MGA: variants seen among roughly 807,000 people sequenced by gnomAD.
MGA encodes the protein MAX gene-associated protein.
A neutral mutation model predicts 261.1 loss-of-function variants in MGA; 40 were observed. The observed-to-expected ratio is 0.15, with a 90% CI of 0.12 to 0.20. MGA has a LOEUF of 0.20. Among genes scored for constraint, MGA ranks in the 10% least tolerant of loss-of-function variants. The pLI, the probability that MGA is intolerant of heterozygous loss-of-function variation, is 1.00. For synonymous variants in MGA, 1,302 were observed against 1,290.6 expected (o/e 1.01, Z -0.19); for missense variants, 3,397 against 3,630.5 (o/e 0.94, Z 1.65).
Position 41,631,755 on chromosome 15 carries a change from GAAA to G in MGA, c.-68+10463_-68+10465del, listed in dbSNP as rs533419732. 2.0e-5 allele frequency among the ~76,000 whole-genome samples: 3 copies of G among 151,160 alleles called. No individual in the cohort carries two copies. The South Asian group carries it at 6.2e-4, about 31-fold the overall frequency. On this transcript the variant is annotated intron_variant, in intron 1 of 8. Coordinates refer to the MGA transcript ENST00000566718. ...TTCATTAAAGGCAACCAACTGAACA[GAAA>G]AAAAAGTATGTATTTTCATATTTGA...
At chr15:41,685,170 A>G (rs1014882972) in intron 2 of MGA, among the ~76,000 whole-genome samples, 3 of 152,138 alleles carry the variant, frequency 2.0e-5, no homozygotes, top group African/African-American at 7.2e-5. Flanking sequence ...CAGGGTTCGT[A>G]TTTTTCCATG....
chr15:41,656,964 G>A (rs1186004438), upstream of MGA, among the ~76,000 whole-genome samples: 1 of 151,928 alleles, frequency 6.6e-6, no homozygotes, highest in Non-Finnish European at 1.5e-5. Context: ...GCAGAGATGG[G>A]TTCTCACTAT....
At chr15:41,697,908 G>T (rs2059624919) in intron 3 of MGA, among the ~76,000 whole-genome samples, 1 of 152,004 alleles carries the variant, frequency 6.6e-6, no homozygotes, top group African/African-American at 2.4e-5. Flanking sequence ...TCGGTCTGTG[G>T]CTCATGCTGG....
intron 1 of MGA, among the ~76,000 whole-genome samples, chr15:41,632,187 T>C (rs962734259): frequency 6.6e-6 from 1 of 152,220 alleles, no homozygotes; most frequent in East Asian, 1.9e-4. Flanking sequence ...AAATGTTTTC[T>C]GTAGAGGACT....
chr15:41,624,554 C>T (rs965959319), intron 1 of MGA, among the ~76,000 whole-genome samples: 2 of 151,686 alleles, frequency 1.3e-5, no homozygotes, highest in Non-Finnish European at 1.5e-5. Context: ...AGGCTGGTCT[C>T]GAGCTGCTGA....
intron 1 of MGA, among the ~76,000 whole-genome samples, chr15:41,627,557 T>A (rs1595535428): frequency 6.6e-6 from 1 of 152,214 alleles, no homozygotes; most frequent in East Asian, 1.9e-4. Context: ...GTTTTGTTTT[T>A]AAATGTTTGC....
At chr15:41,732,150 CTTT>C (rs934455098) in intron 11 of MGA, among the ~76,000 whole-genome samples, 4 of 141,018 alleles carry the variant, frequency 2.8e-5, no homozygotes, top group Non-Finnish European at 3.1e-5. Flanking sequence ...TTTTGTTATC[CTTT>C]TTTTTTTTTT....
intron 1 of MGA, among the ~76,000 whole-genome samples, chr15:41,664,879 T>C (rs199742245): frequency 1.3e-5 from 2 of 152,222 alleles, no homozygotes; most frequent in East Asian, 3.8e-4. Context: ...ATCAACTTCA[T>C]AGGTAAAAGC....
chr15:41,626,584 G>A (rs1245162793), intron 1 of MGA, among the ~76,000 whole-genome samples: 4 of 151,852 alleles, frequency 2.6e-5, no homozygotes, highest in African/African-American at 7.2e-5. Context: ...CATCACGCCC[G>A]GCTAATTTTT....
chr15:41,638,156 C>T lies in MGA; in HGVS notation c.-68+16858C>T, dbSNP rs187588872. Reference sequence around the variant, plus strand: ...CTCCTGGGTTCAAGCAATTCTCTTGCCTCAGTCTCCTGAATAGCTGGAACT... The same window carrying T: ...CTCCTGGGTTCAAGCAATTCTCTTGTCTCAGTCTCCTGAATAGCTGGAACT... On this transcript the variant is annotated intron_variant, in intron 1 of 8. Transcript: ENST00000566718. 3.0e-4 allele frequency among the ~76,000 whole-genome samples: 44 copies of T among 147,776 alleles called. 1 individual carries two copies. The highest frequency in any genetic ancestry group is 1.1e-3 in the African/African-American group (43 of 39,716).
At position 41,754,426 on chromosome 15, in the gene MGA, A is replaced by T. The variant is rs1300504681; in HGVS notation, c.7009-11A>T. The T allele has an allele frequency of 2.0e-6, 3 of 1,530,052 alleles. No individual in the cohort carries two copies. The highest frequency in any genetic ancestry group is 1.8e-6 in the Non-Finnish European group (2 of 1,138,644). 94.8% of individuals were successfully genotyped at this position (1,530,052 alleles called of 1,614,324 possible). A position where few individuals can be genotyped will look rare whatever the true frequency, so the allele number is the denominator to read the frequency against. ...CAATACATTATTTACTTTTATAATG[A>T]TGTATTTCAGAATAACTGTGTAGAA... is the stretch of plus-strand genomic sequence containing the variant. On this transcript the variant is annotated splice_polypyrimidine_tract_variant and intron_variant, in intron 17 of 23. Coordinates refer to ENST00000219905, the MANE Select transcript of MGA (RefSeq NM_001164273.2).
At chr15:41,706,801 T>G (rs977548865) in intron 5 of MGA, among the ~76,000 whole-genome samples, 1 of 151,880 alleles carries the variant, frequency 6.6e-6, no homozygotes, top group Non-Finnish European at 1.5e-5. Context: ...CTCGAACTCC[T>G]GACCTCAAGT....
chr15:41,710,099 T>C (rs1363961113), intron 7 of MGA, among the ~76,000 whole-genome samples: 1 of 152,186 alleles, frequency 6.6e-6, no homozygotes, highest in Non-Finnish European at 1.5e-5. Flanking sequence ...AGCGCTGGGA[T>C]TGCAGGAGTG....
intron 1 of MGA, among the ~76,000 whole-genome samples, chr15:41,646,088 C>T (rs1278188059): frequency 1.3e-5 from 2 of 152,056 alleles, no homozygotes; most frequent in Non-Finnish European, 2.9e-5. Context: ...AAAAATTTCC[C>T]TCTGCTAAGC....
At chr15:41,645,815 C>G (rs2056925264) in intron 1 of MGA, among the ~76,000 whole-genome samples, 1 of 152,146 alleles carries the variant, frequency 6.6e-6, no homozygotes, top group South Asian at 2.1e-4. Flanking sequence ...TGTTTTAATT[C>G]TGGACAACAC....
At position 41,748,728 on chromosome 15, in the gene MGA, G is replaced by A. The variant is rs1229693200; in HGVS notation, c.5304G>A (p.Gln1768=). 4 of 1,613,992 alleles carry A rather than the reference G, an allele frequency of 2.5e-6. No individual in the cohort carries two copies. The highest frequency in any genetic ancestry group is 1.1e-5 in the South Asian group (1 of 91,084). ...CTCGATTGTTGTTGATTCCAGTGCA[G>A]CAGGGTTCTCCTACTCTTAGACCTG... is the stretch of plus-strand genomic sequence containing the variant. The change falls in exon 16 of 24, where the codon CAG becomes CAA. Residue 1768 remains glutamine (Q), a synonymous_variant. Coordinates refer to ENST00000219905, the MANE Select transcript of MGA (RefSeq NM_001164273.2).
Position 41,683,415 on chromosome 15 carries a change from A to G in MGA, c.1065-12660A>G, listed in dbSNP as rs182227690. Among the ~76,000 whole-genome samples, 14 of 151,946 alleles carry G rather than the reference A, an allele frequency of 9.2e-5. No homozygotes were observed. In the East Asian group the frequency reaches 2.3e-3, roughly 25 times the overall value. ...CTAATTTTTTATTTTTATTTTTTGT[A>G]GATACAAGGTCTCACTGTGTTTCCC... On this transcript the variant is annotated intron_variant, in intron 2 of 23. Transcript: ENST00000219905.
At chr15:41,754,197 G>T (rs1224706245) in intron 17 of MGA, among the ~76,000 whole-genome samples, 1 of 152,176 alleles carries the variant, frequency 6.6e-6, no homozygotes, top group African/African-American at 2.4e-5. Context: ...TGGATTATAG[G>T]TGTGAGCCAC....
chr15:41,623,782 T>A lies in MGA; in HGVS notation c.-68+2484T>A, dbSNP rs1303379914. On this transcript the variant is annotated intron_variant, in intron 1 of 8. Coordinates refer to the MGA transcript ENST00000566718. ...ATTTATATATATATATATATTTTTT[T>A]TTTTTTTTTGAGAGGGAGTTTCGGG... 3.1e-3 allele frequency among the ~76,000 whole-genome samples: 462 copies of A among 146,896 alleles called. 1 individual carries two copies. The highest frequency in any genetic ancestry group is 0.028 in the East Asian group (143 of 5,100).
Sources: allele counts gnomAD v4.1 joint callset (sites outside exome capture counted in the v4.1 genomes callset), GRCh38; gene constraint gnomAD v4.1.1; transcripts MANE v1.5; gene names NCBI Gene and HGNC (gene_info 2026-07-23, HGNC 2026-07-21).